CCNG2: variants seen among roughly 807,000 people sequenced by gnomAD.
CCNG2 encodes cyclin G2.
CCNG2 carries 20 observed loss-of-function variants against 36.5 expected under a neutral mutation model. That is an observed-to-expected ratio of 0.55 (90% CI 0.39 to 0.80). The LOEUF is 0.80. CCNG2 is among the 30% of genes least tolerant of loss of function. The probability of loss-of-function intolerance (pLI) is 0.00; values close to 1 mark genes in which losing one functional copy is unlikely to be tolerated. For synonymous variants in CCNG2, 155 were observed against 140.1 expected (o/e 1.11, Z -0.75); for missense variants, 358 against 390.8 (o/e 0.92, Z 0.71).
At position 77,169,622 on chromosome 4, in the gene CCNG2, C is replaced by T. The variant is rs1731718014; in HGVS notation, c.*3698C>T. 2 of 152,204 alleles carry T rather than the reference C, an allele frequency of 1.3e-5. 1 individual carries two copies. The highest frequency in any genetic ancestry group is 2.9e-5 in the Non-Finnish European group (2 of 68,042). 9.4% of individuals were successfully genotyped at this position (152,204 alleles called of 1,614,324 possible). A position where few individuals can be genotyped will look rare whatever the true frequency, so the allele number is the denominator to read the frequency against. ...AAGAGACTGGCAGCTTTCCTTTTAT[C>T]CTTTTTGGAAGCTAGCCACCATGCT... On this transcript the variant is annotated 3_prime_UTR_variant, in exon 8 of 8. Transcript: ENST00000316355.
chr4:77,165,280 ATGT>A (rs1458354055), intron 7 of CCNG2, among the ~76,000 whole-genome samples: 2 of 152,204 alleles, frequency 1.3e-5, no homozygotes, highest in East Asian at 1.9e-4. Flanking sequence ...GCTAGGAGGT[ATGT>A]TGTTTTTAGT....
chr4:77,160,576 A>G (rs1381305751), intron 3 of CCNG2, 145 bp from the exon 4 acceptor site: 3 of 641,634 alleles, frequency 4.7e-6, no homozygotes, highest in African/African-American at 3.9e-5. Context: ...GAAAATGTGT[A>G]TAATTGTGGG....
chr4:77,161,810 G>T, intron 6 of CCNG2, 63 bp downstream of exon 6: 1 of 968,790 alleles, frequency 1.0e-6, no homozygotes, highest in South Asian at 1.5e-5. Context: ...TTTCTGTGGT[G>T]ACTTAAACAT....
At chr4:77,162,166 T>A (rs774282821) in intron 6 of CCNG2, among the ~76,000 whole-genome samples, 14 of 152,320 alleles carry the variant, frequency 9.2e-5, no homozygotes, top group Middle Eastern at 6.8e-3. Flanking sequence ...TGTTGATGTT[T>A]TAAACCCGAA....
rs1376971521 is a variant in CCNG2 at position 77,161,513 on chromosome 4, T to G, written c.561T>G (p.Ala187=). The part of the protein sequence containing the change: ...KEILSLDKLE[A]QLKACNCRLI... ...TACTGAGCCTTGATAAACTAGAAGC[T>G]CAGCTGAAAGCTTGCAACTGCCGAC... Residue 187 remains alanine, a synonymous_variant, in exon 5 of 8, where the codon GCT becomes GCG. Coordinates refer to ENST00000316355, the MANE Select transcript of CCNG2 (RefSeq NM_004354.3). 3 of 1,611,652 alleles carry G rather than the reference T, an allele frequency of 1.9e-6. No individual in the cohort carries two copies. Among genetic ancestry groups the G allele is most frequent in the Non-Finnish European group, 2.5e-6 (3 of 1,179,194 alleles).
chr4:77,164,265 T>C lies in CCNG2; in HGVS notation c.706-9T>C, dbSNP rs766489205. 1.4e-5 allele frequency: 23 copies of C among 1,609,148 alleles called. 1 individual carries two copies. The South Asian group carries it at 2.5e-4, about 18-fold the overall frequency. ...ATTGCCGTAACCTCTTAAAATATTTTTTTTTCAGATTAATGACACTGAGTT... is the reference window on the plus strand; with the variant it reads ...ATTGCCGTAACCTCTTAAAATATTTCTTTTTCAGATTAATGACACTGAGTT... On this transcript the variant is annotated splice_polypyrimidine_tract_variant and intron_variant, in intron 6 of 7. Coordinates refer to ENST00000316355, the MANE Select transcript of CCNG2 (RefSeq NM_004354.3).
chr4:77,160,651 T>C, intron 3 of CCNG2, 70 bp from the exon 4 acceptor site: 1 of 1,468,642 alleles, frequency 6.8e-7, no homozygotes, highest in Non-Finnish European at 9.3e-7. Flanking sequence ...AGGAGCATCA[T>C]TACAATATTC....
chr4:77,164,444 G>A lies in CCNG2; in HGVS notation c.876G>A (p.Thr292=), dbSNP rs1342862951. Residue 292 remains threonine, a synonymous_variant, in exon 7 of 8, where the codon ACG becomes ACA. Transcript: ENST00000316355. ...NSYYSVPELP[T]IPEGGCFDES... ...ACTATAGTGTTCCTGAGCTGCCAAC[G>A]ATACCTGAGGGGGGTTGTTTTGATG... is the stretch of plus-strand genomic sequence containing the variant. 1.4e-5 allele frequency: 23 copies of A among 1,613,910 alleles called. 1 individual carries two copies. Among genetic ancestry groups the A allele is most frequent in the South Asian group, 5.5e-5 (5 of 91,076 alleles).
At chr4:77,162,828 T>A (rs1173600691) in intron 6 of CCNG2, among the ~76,000 whole-genome samples, 1 of 151,942 alleles carries the variant, frequency 6.6e-6, no homozygotes, top group African/African-American at 2.4e-5. Context: ...TAGACAGATA[T>A]AAAAGTCATT....
At chr4:77,160,613 C>A in intron 3 of CCNG2, 108 bp from the exon 4 acceptor site, 9 of 1,100,694 alleles carry the variant, frequency 8.2e-6, no homozygotes, top group South Asian at 4.8e-5. Flanking sequence ...ATAAGAGAAA[C>A]AACTTGATTG....
chr4:77,168,275 T>C lies in CCNG2; in HGVS notation c.*2351T>C, dbSNP rs1293550160. 1 of 152,068 alleles carries C rather than the reference T, an allele frequency of 6.6e-6. No homozygotes were observed. The highest frequency in any genetic ancestry group is 1.5e-5 in the Non-Finnish European group (1 of 67,934). 9.4% of individuals were successfully genotyped at this position (152,068 alleles called of 1,614,324 possible). ...TATGATTTCGTTTACACTGTTTATA[T>C]CTCTCTGTCCCCCCTTTTTCTGCCA... On this transcript the variant is annotated 3_prime_UTR_variant, in exon 8 of 8. Transcript: ENST00000316355.
At chr4:77,159,305 G>A (rs892192012) in intron 2 of CCNG2, 62 bp from the exon 3 acceptor site, 5 of 1,478,194 alleles carry the variant, frequency 3.4e-6, no homozygotes, top group Admixed American at 1.9e-5. Flanking sequence ...CTTTGGACCT[G>A]TATGTGTTTT....
chr4:77,158,828 T>C (rs149751721), intron 2 of CCNG2, among the ~76,000 whole-genome samples, 158 bp downstream of exon 2: 37 of 152,376 alleles, frequency 2.4e-4, no homozygotes, highest in Admixed American at 7.2e-4. Context: ...TTAATGCTTT[T>C]GTTTCTTAGC....
Position 77,161,526 on chromosome 4 carries a change from T to A in CCNG2, c.574T>A (p.Cys192Ser). ...TAAACTAGAAGCTCAGCTGAAAGCT[T>A]GCAACTGCCGACTCATCTTTTCAAA... ...LDKLEAQLKA[C>S]NCRLIFSKAK... The change falls in exon 5 of 8, where the codon TGC becomes AGC. Residue 192 changes from cysteine to serine, a missense_variant. Physicochemically the swap from Cys to Ser is moderately radical, Grantham distance 112 (BLOSUM62 -1). Coordinates refer to ENST00000316355, the MANE Select transcript of CCNG2 (RefSeq NM_004354.3). 1 of 1,612,528 alleles carries A rather than the reference T, an allele frequency of 6.2e-7. No individual in the cohort carries two copies. The highest frequency in any genetic ancestry group is 8.5e-7 in the Non-Finnish European group (1 of 1,179,422).
Position 77,160,991 on chromosome 4 carries a change from C to G in CCNG2, c.527+20C>G, listed in dbSNP as rs753599403. 1.3e-6 allele frequency: 2 copies of G among 1,544,604 alleles called. No individual in the cohort carries two copies. The highest frequency in any genetic ancestry group is 8.8e-7 in the Non-Finnish European group (1 of 1,140,442). ...AGAAAGGTCAGTGGGATTAAAGATA[C>G]ATTTTGTACTTTGAACATTGCTATA... is the stretch of plus-strand genomic sequence containing the variant. On this transcript the variant is annotated intron_variant, in intron 4 of 7. Transcript: ENST00000316355.
chr4:77,158,307 A>C, intron 1 of CCNG2: 1 of 553,926 alleles, frequency 1.8e-6, no homozygotes, highest in Non-Finnish European at 3.2e-6. Flanking sequence ...GGTCTTACCC[A>C]GCGCTGGCCG....
rs780735377 is a variant in CCNG2 at position 77,164,312 on chromosome 4, T to C, written c.744T>C (p.Val248=). 7.4e-6 allele frequency: 12 copies of C among 1,613,982 alleles called. No homozygotes were observed. In the African/African-American group the frequency reaches 1.6e-4, roughly 22 times the overall value. The change falls in exon 7 of 8, where the codon GTT becomes GTC. Residue 248 remains valine, a synonymous_variant. Transcript: ENST00000316355. ...DTEFFYWREL[V]SKCLAEYSSP... is the part of the protein sequence containing the mutation. ...AGTTCTTCTACTGGAGAGAGTTGGT[T>C]TCTAAATGCCTAGCCGAGTATTCTT...
rs1379597970 is a variant in CCNG2 at position 77,169,033 on chromosome 4, C to G, written c.*3109C>G. The G allele has an allele frequency of 6.6e-6, 1 of 152,268 alleles. No homozygotes were observed. 9.4% of individuals were successfully genotyped at this position (152,268 alleles called of 1,614,324 possible). ...TTTGGCTCTGCTACTGTTTCCTCCTCCCAGGAAGTGTGGTTAGACAAATAA... is the reference window on the plus strand; with the variant it reads ...TTTGGCTCTGCTACTGTTTCCTCCTGCCAGGAAGTGTGGTTAGACAAATAA... On this transcript the variant is annotated 3_prime_UTR_variant, in exon 8 of 8. Transcript: ENST00000316355.
intron 3 of CCNG2, 39 bp from the exon 4 acceptor site, chr4:77,160,682 G>T (rs1285905290): frequency 1.3e-6 from 2 of 1,596,264 alleles, no homozygotes; most frequent in African/African-American, 2.7e-5. Flanking sequence ...CTAAGTCAAA[G>T]TGACAGTTGT....
Sources: gnomAD v4.1 joint callset for allele counts (sites outside exome capture counted in the v4.1 genomes callset) on GRCh38, gnomAD v4.1.1 for gene constraint, MANE v1.5 for transcripts, NCBI Gene and HGNC (gene_info 2026-07-23, HGNC 2026-07-21) for gene names.